The following CASP9 variants were observed in gnomAD, a reference collection of about 807,000 sequenced individuals.
CASP9 encodes caspase-9.
A neutral mutation model predicts 43.5 loss-of-function variants in CASP9; 29 were observed. The ratio of observed to expected loss-of-function variants is 0.67; its 90% CI spans 0.50 to 0.91. The LOEUF (loss-of-function observed/expected upper bound fraction) is 0.91, where lower values mean the gene tolerates loss of function less well. Among genes scored for constraint, CASP9 ranks in the 40% least tolerant of loss-of-function variants. The pLI, the probability that CASP9 is intolerant of heterozygous loss-of-function variation, is 0.00. For synonymous variants in CASP9, 206 were observed against 211.9 expected (o/e 0.97, Z 0.24); for missense variants, 575 against 537.4 (o/e 1.07, Z -0.69).
At position 15,507,909 on chromosome 1, in the gene CASP9, TGAAGAGGCAGA is replaced by T; in HGVS notation, c.419-13_419-3del. On this transcript the variant is annotated splice_region_variant and splice_polypyrimidine_tract_variant and intron_variant, in intron 2 of 8. Transcript: ENST00000333868. ...TTCCCCTCAAACTCTCAAGAGCACC[TGAAGAGGCAGA>T]GAAAGAGAGAAACATGAATGTTGGG... 6.2e-7 allele frequency: 1 copy of T among 1,614,004 alleles called. No individual in the cohort carries two copies. Among genetic ancestry groups the T allele is most frequent in the African/African-American group, 1.3e-5 (1 of 74,994 alleles).
At chr1:15,509,412 C>T (rs916410132) in intron 2 of CASP9, among the ~76,000 whole-genome samples, 8 of 142,874 alleles carry the variant, frequency 5.6e-5, no homozygotes, top group Middle Eastern at 3.7e-3. Flanking sequence ...GTCAGGAGTT[C>T]GAGACTAGCC....
intron 1 of CASP9, among the ~76,000 whole-genome samples, chr1:15,522,090 T>C (rs1019443278): frequency 6.6e-6 from 1 of 152,196 alleles, no homozygotes; most frequent in African/African-American, 2.4e-5. Context: ...AAATGCATTG[T>C]TTCATCTTTT....
chr1:15,500,408 A>G (rs1709280183), intron 6 of CASP9, among the ~76,000 whole-genome samples: 1 of 152,220 alleles, frequency 6.6e-6, no homozygotes, highest in South Asian at 2.1e-4. Flanking sequence ...CCCATCTGGC[A>G]GGAACAGAGG....
At chr1:15,515,753 A>T (rs966496200) in intron 2 of CASP9, among the ~76,000 whole-genome samples, 1 of 152,218 alleles carries the variant, frequency 6.6e-6, no homozygotes, top group Non-Finnish European at 1.5e-5. Flanking sequence ...AGTTGGTGAG[A>T]TTATAAAATG....
chr1:15,494,138 C>G (rs539564791), intron 7 of CASP9, 137 bp from the exon 8 acceptor site: 2 of 999,628 alleles, frequency 2.0e-6, no homozygotes, highest in Non-Finnish European at 2.9e-6. Flanking sequence ...AGCAGCCTGG[C>G]CCCTGAGGCT....
At chr1:15,509,694 T>C (rs1034341502) in intron 2 of CASP9, among the ~76,000 whole-genome samples, 9 of 148,622 alleles carry the variant, frequency 6.1e-5, no homozygotes, top group Non-Finnish European at 8.9e-5. Flanking sequence ...CCAGAGAGTA[T>C]AGAAATAGTG....
At chr1:15,524,464 G>GC (rs1489328740), upstream of CASP9, 7 of 902,098 alleles carry the variant, frequency 7.8e-6, 1 homozygote, top group Non-Finnish European at 9.4e-6. Flanking sequence ...TCACCGCGCC[G>GC]CCCCAGAACA....
Position 15,507,044 on chromosome 1 carries a change from T to G in CASP9, c.485A>C (p.His162Pro), listed in dbSNP as rs769820535. The change falls in exon 4 of 9, where the codon CAC becomes CCC. Residue 162 changes from histidine (H) to proline (P), a missense_variant. Transcript: ENST00000333868. ...GTTCACATTGTTGATAATGAGGCAG[T>G]GGCCACAGGGCTCCATGCTCAGGAT... Reference protein sequence around the residue: ...AYILSMEPCGHCLIINNVNFC... With the variant: ...AYILSMEPCGPCLIINNVNFC... 1.9e-6 allele frequency: 3 copies of G among 1,614,156 alleles called. No individual in the cohort carries two copies. Among genetic ancestry groups the G allele is most frequent in the Non-Finnish European group, 1.7e-6 (2 of 1,180,028 alleles).
At chr1:15,496,767 G>A (rs1025834935) in intron 6 of CASP9, among the ~76,000 whole-genome samples, 4 of 152,134 alleles carry the variant, frequency 2.6e-5, no homozygotes, top group African/African-American at 7.2e-5. Flanking sequence ...CATGGCTCAC[G>A]CCTGTAATCT....
At chr1:15,515,321 C>T (rs1395364107) in intron 2 of CASP9, among the ~76,000 whole-genome samples, 1 of 152,244 alleles carries the variant, frequency 6.6e-6, no homozygotes, top group Non-Finnish European at 1.5e-5. Flanking sequence ...CTACCCTTAT[C>T]ATGTTTGTCT....
rs190708544 is a variant in CASP9, at chr1:15,513,108, C to T, written c.418+5002G>A. ...CCCAGGAGGCAGAGCTTGCAGTGTG[C>T]GGAGATCGCGCCACTGCACTCCAGC... On this transcript the variant is annotated intron_variant, in intron 2 of 8. Transcript: ENST00000333868. 2.2e-3 allele frequency among the ~76,000 whole-genome samples: 312 copies of T among 144,956 alleles called. 1 individual carries two copies. The highest frequency in any genetic ancestry group is 6.8e-3 in the African/African-American group (266 of 39,268).
At chr1:15,512,373 C>G (rs960843197) in intron 2 of CASP9, among the ~76,000 whole-genome samples, 1 of 152,174 alleles carries the variant, frequency 6.6e-6, no homozygotes, top group African/African-American at 2.4e-5. Context: ...GATGGCCCTC[C>G]CCAGGATGGT....
intron 2 of CASP9, among the ~76,000 whole-genome samples, chr1:15,510,527 G>A (rs888659207): frequency 2.0e-5 from 3 of 152,116 alleles, no homozygotes; most frequent in South Asian, 4.1e-4. Flanking sequence ...ATCCACTACT[G>A]AGGAATTCAC....
At chr1:15,510,219 C>G (rs1479696571) in intron 2 of CASP9, among the ~76,000 whole-genome samples, 2 of 152,168 alleles carry the variant, frequency 1.3e-5, no homozygotes, top group East Asian at 3.9e-4. Flanking sequence ...CATGAGCCAC[C>G]ACGCCCGGCC....
chr1:15,524,767 C>T, upstream of CASP9: 3 of 1,009,222 alleles, frequency 3.0e-6, no homozygotes, highest in Non-Finnish European at 3.6e-6. Context: ...CACCGCGTCA[C>T]CGCCCACTCC....
chr1:15,520,872 C>A (rs1237291506), intron 1 of CASP9, among the ~76,000 whole-genome samples: 1 of 151,750 alleles, frequency 6.6e-6, no homozygotes, highest in African/African-American at 2.4e-5. Context: ...ACAGCTTGAA[C>A]CCTGGCTGGG....
rs1708948285 is a variant in CASP9, at chr1:15,493,017, C to T, written c.1177G>A (p.Val393Met). ...GGCATCTGTTTATAAATCCCTTTCA[C>T]CGAAACAGCATTAGCGACCTGTAAG... ...LLLRVANAVS[V>M]KGIYKQMPGC... is the part of the protein sequence containing the mutation. Residue 393 changes from valine to methionine, a missense_variant, in exon 9 of 9, where the codon GTG (valine) becomes ATG (methionine). Transcript: ENST00000333868. 2 of 1,613,940 alleles carry T rather than the reference C, an allele frequency of 1.2e-6. No homozygotes were observed. The highest frequency in any genetic ancestry group is 1.1e-5 in the South Asian group (1 of 91,086).
At chr1:15,497,356 A>T (rs1709142328) in intron 6 of CASP9, among the ~76,000 whole-genome samples, 1 of 147,138 alleles carries the variant, frequency 6.8e-6, no homozygotes, top group African/African-American at 2.5e-5. Flanking sequence ...AAAATAAAGA[A>T]GACATAGGCC....
chr1:15,524,666 C>T (rs1051760689), upstream of CASP9: 1 of 1,055,568 alleles, frequency 9.5e-7, no homozygotes, highest in African/African-American at 1.8e-5. Flanking sequence ...AGGATTCGCT[C>T]TTGCGTCACC....
Sources: gnomAD v4.1 joint callset for allele counts (sites outside exome capture counted in the v4.1 genomes callset) on GRCh38, gnomAD v4.1.1 for gene constraint, MANE v1.5 for transcripts, NCBI Gene and HGNC (gene_info 2026-07-23, HGNC 2026-07-21) for gene names.